The following CRTAP variants were observed in gnomAD, a reference collection of about 807,000 sequenced individuals.
CRTAP encodes cartilage associated protein.
A neutral mutation model predicts 42.7 loss-of-function variants in CRTAP; 33 were observed. The observed-to-expected ratio is 0.77, with a 90% CI of 0.59 to 1.03. The LOEUF is 1.03. CRTAP is among the 50% of genes least tolerant of loss of function. The pLI, the probability that CRTAP is intolerant of heterozygous loss-of-function variation, is 0.00. For synonymous variants in CRTAP, 243 were observed against 217.7 expected, an observed-to-expected ratio of 1.12 and a Z score of -1.02; for missense variants, 613 against 533.9, an observed-to-expected ratio of 1.15 and a Z score of -1.46.
chr3:33,141,886 A>C (rs551236577), intron 6 of CRTAP, among the ~76,000 whole-genome samples: 2 of 152,360 alleles, frequency 1.3e-5, no homozygotes, highest in Non-Finnish European at 2.9e-5. Context: ...TGATTGCTTC[A>C]GTCACACCAG....
At chr3:33,119,564 A>G (rs1171618505) in intron 1 of CRTAP, among the ~76,000 whole-genome samples, 2 of 152,058 alleles carry the variant, frequency 1.3e-5, no homozygotes, top group African/African-American at 2.4e-5. Context: ...TTGTAATATG[A>G]CGTTTATTGC....
chr3:33,128,940 T>A (rs991051343), intron 3 of CRTAP, among the ~76,000 whole-genome samples: 2 of 152,262 alleles, frequency 1.3e-5, no homozygotes, highest in Non-Finnish European at 2.9e-5. Flanking sequence ...ACTAGTCATA[T>A]GGCCCCAACC....
intron 6 of CRTAP, among the ~76,000 whole-genome samples, chr3:33,138,735 AG>A (rs1222332243): frequency 8.5e-5 from 13 of 152,204 alleles, no homozygotes; most frequent in Admixed American, 7.9e-4. Flanking sequence ...GGCCTGGCAC[AG>A]GGGCTCATTC....
At chr3:33,126,137 C>G (rs7618368) in intron 3 of CRTAP, among the ~76,000 whole-genome samples, 82,882 of 152,090 alleles carry the variant, frequency 0.54, 26,484 homozygotes, top group Non-Finnish European at 0.72. Flanking sequence ...CCCCTTCCCC[C>G]CAGCCACTGG....
intron 6 of CRTAP, among the ~76,000 whole-genome samples, chr3:33,140,317 C>G (rs1466752842): frequency 6.6e-6 from 1 of 152,158 alleles, no homozygotes; most frequent in African/African-American, 2.4e-5. Flanking sequence ...TTGGCACTTT[C>G]AAGATAAAAG....
At chr3:33,117,210 C>A (rs565131500) in intron 1 of CRTAP, among the ~76,000 whole-genome samples, 1 of 152,018 alleles carries the variant, frequency 6.6e-6, no homozygotes, top group Non-Finnish European at 1.5e-5. Flanking sequence ...GGCTGGAGGT[C>A]GATATGAAGG....
intron 6 of CRTAP, among the ~76,000 whole-genome samples, chr3:33,135,821 A>G (rs983930523): frequency 2.0e-5 from 3 of 152,016 alleles, no homozygotes; most frequent in African/African-American, 7.2e-5. Context: ...TTTTCACTTT[A>G]TATTATTATG....
rs778115119 is a variant in CRTAP, at chr3:33,120,389, C to G, written c.517C>G (p.Leu173Val). 6.2e-6 allele frequency: 10 copies of G among 1,614,060 alleles called. No individual in the cohort carries two copies. In the East Asian group the frequency reaches 6.7e-5, roughly 11 times the overall value. The change falls in exon 2 of 7, where the codon CTG (leucine) becomes GTG (valine). Residue 173 changes from leucine to valine, a missense_variant. Leu to Val is a conservative substitution (Grantham distance 32). Transcript: ENST00000320954. ...KAIAAAHTFL[L>V]KHPDDEMMKR... ...CATCGCCGCTGCTCACACCTTTCTA[C>G]TGAAGCATCCTGATGACGAAATGAT...
In CRTAP at chr3:33,144,998, A is replaced by G. The variant is rs1163758450; in HGVS notation, c.*2550A>G. On this transcript the variant is annotated 3_prime_UTR_variant, in exon 7 of 7. Coordinates refer to ENST00000320954, the MANE Select transcript of CRTAP (RefSeq NM_006371.5). The stretch of plus-strand genomic sequence containing the variant: ...TTTGGGAAACAAGACTTTTCCTGCA[A>G]TAGCCTGGGAAGGAATAAAAGGATA... The G allele has an allele frequency of 6.6e-6, 1 of 152,252 alleles. No homozygotes were observed. Among genetic ancestry groups the G allele is most frequent in the East Asian group, 1.9e-4 (1 of 5,198 alleles). 9.4% of individuals were successfully genotyped at this position (152,252 alleles called of 1,614,324 possible).
intron 3 of CRTAP, 143 bp from the exon 4 acceptor site, chr3:33,129,796 C>T (rs895099278): frequency 4.0e-5 from 27 of 682,768 alleles, no homozygotes; most frequent in South Asian, 2.4e-4. Flanking sequence ...CTCAGCCTCC[C>T]GAAGTGCTGG....
intron 6 of CRTAP, among the ~76,000 whole-genome samples, chr3:33,138,258 GT>G (rs1187562164): frequency 2.0e-5 from 3 of 152,128 alleles, no homozygotes; most frequent in Admixed American, 6.5e-5. Context: ...TGAATTATAG[GT>G]TTAGCTTTTC....
intron 6 of CRTAP, among the ~76,000 whole-genome samples, chr3:33,137,439 CTTGA>C (rs2030454559): frequency 6.6e-6 from 1 of 152,226 alleles, no homozygotes; most frequent in Admixed American, 6.5e-5. Flanking sequence ...CTGCACCCAG[CTTGA>C]CTTGCACCTT....
intron 2 of CRTAP, 91 bp from the exon 3 acceptor site, chr3:33,124,317 C>T (rs962688222): frequency 6.8e-7 from 1 of 1,480,396 alleles, no homozygotes; most frequent in African/African-American, 1.4e-5. Context: ...TGAGAGCTAG[C>T]TTGGTGGTGG....
intron 6 of CRTAP, 35 bp downstream of exon 6, chr3:33,134,300 ACG>A (rs2030360330): frequency 7.3e-7 from 1 of 1,371,378 alleles, no homozygotes; most frequent in South Asian, 1.2e-5. Context: ...TCTGGTGGCT[ACG>A]AGAAAATATT....
intron 2 of CRTAP, 59 bp downstream of exon 2, chr3:33,120,552 C>T: frequency 6.4e-7 from 1 of 1,555,478 alleles, no homozygotes; most frequent in Middle Eastern, 1.8e-4. Context: ...AGAAATGTCT[C>T]TCCATAAGCA....
Position 33,124,531 on chromosome 3 carries a change from G to T in CRTAP, c.745G>T (p.Gly249Cys). The T allele has an allele frequency of 2.5e-6, 4 of 1,614,220 alleles. No individual in the cohort carries two copies. Among genetic ancestry groups the T allele is most frequent in the Non-Finnish European group, 3.4e-6 (4 of 1,180,052 alleles). Residue 249 changes from glycine (G) to cysteine (C), a missense_variant, in exon 3 of 7, where the codon GGT (glycine) becomes TGT (cysteine). Coordinates refer to ENST00000320954, the MANE Select transcript of CRTAP (RefSeq NM_006371.5). ...TTACGAGTGTCTCGCAGCCTGCGAGGGTTCCAGGGAGATCAAGGACTTCAA... is the reference window on the plus strand; with the variant it reads ...TTACGAGTGTCTCGCAGCCTGCGAGTGTTCCAGGGAGATCAAGGACTTCAA... The part of the protein sequence containing the change: ...AFYECLAACE[G>C]SREIKDFKDF...
At chr3:33,129,870 G>T in intron 3 of CRTAP, 69 bp from the exon 4 acceptor site, 1 of 1,484,710 alleles carries the variant, frequency 6.7e-7, no homozygotes, top group Non-Finnish European at 9.4e-7. Flanking sequence ...TTTCATTTGG[G>T]CAGGAGGCAG....
intron 1 of CRTAP, among the ~76,000 whole-genome samples, chr3:33,116,066 A>G (rs1337877790): frequency 6.6e-6 from 1 of 152,208 alleles, no homozygotes; most frequent in Non-Finnish European, 1.5e-5. Flanking sequence ...AGCTTTTGGC[A>G]AATATGTTCT....
At chr3:33,135,618 A>C (rs1423062555) in intron 6 of CRTAP, among the ~76,000 whole-genome samples, 1 of 152,030 alleles carries the variant, frequency 6.6e-6, no homozygotes, top group African/African-American at 2.4e-5. Context: ...AAAAAAAAAA[A>C]AAGGAAAGTA....
Sources: gnomAD v4.1 joint callset for allele counts (sites outside exome capture counted in the v4.1 genomes callset) on GRCh38, gnomAD v4.1.1 for gene constraint, MANE v1.5 for transcripts, NCBI Gene and HGNC (gene_info 2026-07-23, HGNC 2026-07-21) for gene names.